MGAT4C: variants seen among roughly 807,000 people sequenced by gnomAD.
The protein encoded by MGAT4C is alpha-1,3-mannosyl-glycoprotein 4-beta-N-acetylglucosaminyltransferase C.
A neutral mutation model predicts 40.1 loss-of-function variants in MGAT4C; 19 were observed. The ratio of observed to expected loss-of-function variants is 0.47; its 90% confidence interval spans 0.33 to 0.70. The LOEUF is 0.70. Ranked by LOEUF, MGAT4C falls within the 30% of genes least tolerant of loss-of-function variation. MGAT4C has a pLI of 0.02. For synonymous variants in MGAT4C, 181 were observed against 187.1 expected (o/e 0.97, Z 0.27); for missense variants, 491 against 563.2 (o/e 0.87, Z 1.30).
intron 1 of MGAT4C, among the ~76,000 whole-genome samples, chr12:86,056,053 C>T (rs746788177): frequency 2.4e-4 from 37 of 151,902 alleles, no homozygotes; most frequent in Non-Finnish European, 8.8e-5. Flanking sequence ...CTAGTTTCAA[C>T]AAGTTAAAAA....
intron 1 of MGAT4C, among the ~76,000 whole-genome samples, chr12:86,137,912 G>C (rs1035028754): frequency 6.6e-6 from 1 of 152,184 alleles, no homozygotes; most frequent in Non-Finnish European, 1.5e-5. Flanking sequence ...TTTGCATGGA[G>C]TTGGGAAAAA....
intron 2 of MGAT4C, among the ~76,000 whole-genome samples, chr12:86,700,211 A>T (rs940809439): frequency 2.6e-5 from 4 of 151,400 alleles, no homozygotes; most frequent in South Asian, 2.1e-4. Context: ...ATAGATAGAT[A>T]GATTAGGCTT....
rs1224300347 is a variant in MGAT4C, at chr12:85,964,760, T to A, written c.*14529A>T. On this transcript the variant is annotated 3_prime_UTR_variant, in exon 5 of 5. Coordinates refer to ENST00000611864, the MANE Select transcript of MGAT4C (RefSeq NM_001351288.2). Reference sequence around the variant, plus strand: ...AGAAACATTATAGGAAGCATTTTTTTTTCCTACAGAGTCTGCCATATGGAG... The same window carrying A: ...AGAAACATTATAGGAAGCATTTTTTATTCCTACAGAGTCTGCCATATGGAG... The A allele has an allele frequency of 2.6e-5, 4 of 152,154 alleles. No homozygotes were observed. Among genetic ancestry groups the A allele is most frequent in the Non-Finnish European group, 5.9e-5 (4 of 68,014 alleles). The allele number at this position is 152,154 out of a possible 1,614,324, so 9.4% of individuals were successfully genotyped here. A position where few individuals can be genotyped will look rare whatever the true frequency, so the allele number is the denominator to read the frequency against.
chr12:86,012,778 A>AACAACCACCACCACC (rs1308194133), intron 2 of MGAT4C, among the ~76,000 whole-genome samples: 11 of 136,452 alleles, frequency 8.1e-5, no homozygotes, highest in East Asian at 2.5e-4. Flanking sequence ...CAACAACAAC[A>AACAACCACCACCACC]ACCACCACCA....
intron 2 of MGAT4C, among the ~76,000 whole-genome samples, chr12:86,504,351 A>G (rs547790629): frequency 2.6e-4 from 40 of 152,286 alleles, no homozygotes; most frequent in Non-Finnish European, 4.6e-4. Context: ...TATTCATAGA[A>G]GCAATTATCC....
At chr12:86,258,738 A>C (rs1010130711), upstream of MGAT4C, among the ~76,000 whole-genome samples, 2 of 152,106 alleles carry the variant, frequency 1.3e-5, no homozygotes, top group East Asian at 1.9e-4. Flanking sequence ...CTAATGAATT[A>C]CTTAGTATTT....
At chr12:86,019,103 G>T (rs1292116335) in intron 2 of MGAT4C, among the ~76,000 whole-genome samples, 1 of 152,046 alleles carries the variant, frequency 6.6e-6, no homozygotes, top group East Asian at 1.9e-4. Flanking sequence ...AACTATGTCA[G>T]CAAGAGTACA....
At chr12:86,757,521 A>ACT (rs1179896949) in intron 1 of MGAT4C, among the ~76,000 whole-genome samples, 1 of 152,126 alleles carries the variant, frequency 6.6e-6, no homozygotes, top group Non-Finnish European at 1.5e-5. Flanking sequence ...ATTTGTATTC[A>ACT]CTTCATCCAT....
chr12:86,263,849 C>T (rs1185970026), intron 4 of MGAT4C, among the ~76,000 whole-genome samples: 1 of 152,098 alleles, frequency 6.6e-6, no homozygotes, highest in South Asian at 2.1e-4. Flanking sequence ...TATTTTTTGT[C>T]TTTCTAATAG....
At chr12:86,194,204 C>T (rs1037388548) in intron 1 of MGAT4C, among the ~76,000 whole-genome samples, 12 of 152,040 alleles carry the variant, frequency 7.9e-5, no homozygotes, top group South Asian at 2.1e-4. Context: ...CTGACAGTAT[C>T]GTATACCTTG....
chr12:86,056,497 T>G (rs530864958), intron 1 of MGAT4C, among the ~76,000 whole-genome samples: 155 of 152,274 alleles, frequency 1.0e-3, no homozygotes, highest in African/African-American at 3.5e-3. Context: ...GGTTTTCTGT[T>G]CTTGTGGTAG....
At chr12:86,520,916 G>T (rs1164439785) in intron 2 of MGAT4C, among the ~76,000 whole-genome samples, 1 of 151,890 alleles carries the variant, frequency 6.6e-6, no homozygotes, top group Non-Finnish European at 1.5e-5. Context: ...ACTTTTTAAA[G>T]AAATTGTTTT....
At chr12:86,062,531 A>G (rs1024679687) in intron 1 of MGAT4C, among the ~76,000 whole-genome samples, 1 of 152,060 alleles carries the variant, frequency 6.6e-6, no homozygotes, top group African/African-American at 2.4e-5. Flanking sequence ...AAGGAGTTTG[A>G]CGAATTGACA....
intron 2 of MGAT4C, among the ~76,000 whole-genome samples, chr12:86,643,343 C>T (rs571554052): frequency 8.6e-5 from 13 of 151,892 alleles, no homozygotes; most frequent in African/African-American, 2.9e-4. Context: ...CAAATCATAG[C>T]AATGCTCAAA....
At chr12:86,487,213 T>C (rs188266514) in intron 2 of MGAT4C, among the ~76,000 whole-genome samples, 17 of 152,294 alleles carry the variant, frequency 1.1e-4, no homozygotes, top group Admixed American at 5.2e-4. Flanking sequence ...GATCTATTAA[T>C]ACAAGAGCCA....
At chr12:86,328,329 A>T (rs966710379) in intron 4 of MGAT4C, among the ~76,000 whole-genome samples, 2 of 152,196 alleles carry the variant, frequency 1.3e-5, no homozygotes, top group Non-Finnish European at 2.9e-5. Context: ...AGTCCCAGCC[A>T]GTGAAATAGG....
At position 86,765,397 on chromosome 12, in the gene MGAT4C, A is replaced by G. The variant is rs112417338; in HGVS notation, c.-261-38156T>C. 2.6e-5 allele frequency among the ~76,000 whole-genome samples: 4 copies of G among 152,374 alleles called. No homozygotes were observed. The East Asian group carries it at 5.8e-4, about 22-fold the overall frequency. ...GACCAAATCTACGTCTGATTTGTGT[A>G]CCTGAAAGTGACGGGTAGAATGGAA... On this transcript the variant is annotated intron_variant, in intron 1 of 7. Transcript: ENST00000548651.
intron 1 of MGAT4C, among the ~76,000 whole-genome samples, chr12:86,107,799 A>G (rs1876486212): frequency 6.6e-6 from 1 of 152,180 alleles, no homozygotes; most frequent in Non-Finnish European, 1.5e-5. Flanking sequence ...GGAAATTTCC[A>G]ATAAATCTAT....
rs199503302 is a variant in MGAT4C, at chr12:86,603,540, AGAC to A, written c.-229+123666_-229+123668del. Among the ~76,000 whole-genome samples, 15 of 12,770 alleles carry A rather than the reference AGAC, an allele frequency of 1.2e-3. 1 individual carries two copies. The highest frequency in any genetic ancestry group is 7.9e-3 in the South Asian group (1 of 126). The allele number at this position is 12,770 out of a possible 152,430, so 8.4% of individuals were successfully genotyped here. A position where few individuals can be genotyped will look rare whatever the true frequency, so the allele number is the denominator to read the frequency against. ...AGTCTATAGACTATATATAGTCTAT[AGAC>A]TATAGATAATATATAGTCTATAGAC... On this transcript the variant is annotated intron_variant, in intron 2 of 7. Coordinates refer to the MGAT4C transcript ENST00000548651.
Sources: gnomAD v4.1 joint callset for allele counts (sites outside exome capture counted in the v4.1 genomes callset) on GRCh38, gnomAD v4.1.1 for gene constraint, MANE v1.5 for transcripts, NCBI Gene and HGNC (gene_info 2026-07-23, HGNC 2026-07-21) for gene names.